Variants in IL2RA observed in about 807,000 individuals in gnomAD.
IL2RA encodes interleukin 2 receptor subunit alpha.
In IL2RA, 24 loss-of-function variants were observed where a neutral mutation model predicts 37.8. That is an observed-to-expected ratio of 0.63 (90% CI 0.46 to 0.89). The LOEUF (loss-of-function observed/expected upper bound fraction) is 0.89, where lower values mean the gene tolerates loss of function less well. Ranked by LOEUF, IL2RA falls within the 40% of genes least tolerant of loss-of-function variation. The pLI, the probability that IL2RA is intolerant of heterozygous loss-of-function variation, is 0.00. For synonymous variants in IL2RA, 125 were observed against 114.6 expected (o/e 1.09, Z -0.58); for missense variants, 319 against 348.6 (o/e 0.92, Z 0.68).
intron 7 of IL2RA, 75 bp downstream of exon 7, chr10:6,017,978 T>G (rs1589291133): frequency 8.7e-7 from 1 of 1,153,326 alleles, no homozygotes; most frequent in Non-Finnish European, 1.3e-6. Flanking sequence ...ATGGAGGGGG[T>G]AGGGGGGAGG....
intron 1 of IL2RA, among the ~76,000 whole-genome samples, chr10:6,061,121 G>C (rs1840115505): frequency 6.6e-6 from 1 of 152,162 alleles, no homozygotes; most frequent in Admixed American, 6.5e-5. Flanking sequence ...AGGCACGGTG[G>C]TTCATGCCTG....
In IL2RA at chr10:6,025,330, G is replaced by A. The variant is rs530191271; in HGVS notation, c.256+504C>T. ...GATTGTACCACCGCACCCCAGCCTGGGCAACAGAGCGAGACTGTCTCAAAA... is the reference window on the plus strand; with the variant it reads ...GATTGTACCACCGCACCCCAGCCTGAGCAACAGAGCGAGACTGTCTCAAAA... On this transcript the variant is annotated intron_variant, in intron 2 of 7. Coordinates refer to ENST00000379959, the MANE Select transcript of IL2RA (RefSeq NM_000417.3). The surrounding 1 kb of genome is among the most constrained non-coding windows in gnomAD (Gnocchi z 4.4). Among the ~76,000 whole-genome samples the A allele has an allele frequency of 1.3e-5, 2 of 152,096 alleles. No individual in the cohort carries two copies. The highest frequency in any genetic ancestry group is 6.6e-5 in the Admixed American group (1 of 15,266).
intron 1 of IL2RA, among the ~76,000 whole-genome samples, chr10:6,042,147 G>GTAAAAAAAAAAAAAAA (rs1564549478): frequency 8.3e-4 from 1 of 1,210 alleles, no homozygotes; most frequent in African/African-American, 2.2e-3. Context: ...AATGTATTAA[G>GTAAAAAAAAAAAAAAA]CAAAAAAAAA....
intron 1 of IL2RA, among the ~76,000 whole-genome samples, chr10:6,027,092 C>T (rs984299597): frequency 6.6e-6 from 1 of 152,106 alleles, no homozygotes; most frequent in South Asian, 2.1e-4. Flanking sequence ...GAGGCCAAGG[C>T]GGGTAGATCA....
At position 6,018,099 on chromosome 10, in the gene IL2RA, G is replaced by T. The variant is rs1459261223; in HGVS notation, c.748C>A (p.Leu250Met). ...QVAVAGCVFL[L>M]ISVLLLSGLT... ...CCACTCAGGAGGAGGACGCTGATCAGCAGGAAAACACAGCCGGCCACTGTC... is the reference window on the plus strand; with the variant it reads ...CCACTCAGGAGGAGGACGCTGATCATCAGGAAAACACAGCCGGCCACTGTC... Residue 250 changes from leucine to methionine, a missense_variant, in exon 7 of 8, where the codon CTG becomes ATG. Coordinates refer to ENST00000379959, the MANE Select transcript of IL2RA (RefSeq NM_000417.3). The surrounding 1 kb of genome is among the most constrained non-coding windows in gnomAD (Gnocchi z 5.1). The T allele has an allele frequency of 1.2e-6, 2 of 1,613,980 alleles. No individual in the cohort carries two copies. Among genetic ancestry groups the T allele is most frequent in the South Asian group, 2.2e-5 (2 of 91,058 alleles).
Position 6,014,727 on chromosome 10 carries a change from C to T in IL2RA, c.795-1831G>A, listed in dbSNP as rs1839248615. Among the ~76,000 whole-genome samples, 1 of 152,312 alleles carries T rather than the reference C, an allele frequency of 6.6e-6. No homozygotes were observed. The highest frequency in any genetic ancestry group is 1.9e-4 in the East Asian group (1 of 5,194). ...AAATGACACCTTAGGAGTCAGCTAA[C>T]CCCTTAGAGAAACTGGTAGACTGCC... is the stretch of plus-strand genomic sequence containing the variant. On this transcript the variant is annotated intron_variant, in intron 7 of 7. Coordinates refer to ENST00000379959, the MANE Select transcript of IL2RA (RefSeq NM_000417.3). The surrounding 1 kb of genome is among the most constrained non-coding windows in gnomAD (Gnocchi z 4.4).
In IL2RA at chr10:6,029,485, T is replaced by A. The variant is rs1839542737; in HGVS notation, c.65-3460A>T. On this transcript the variant is annotated intron_variant, in intron 1 of 7. Coordinates refer to ENST00000379959, the MANE Select transcript of IL2RA (RefSeq NM_000417.3). The surrounding 1 kb of genome is among the most constrained non-coding windows in gnomAD (Gnocchi z 4.6). ...CAGTGGTTTATTTTTATAAATAAAG[T>A]TTTATTGGAAGAAAGACACACCCAT... Among the ~76,000 whole-genome samples, 1 of 151,942 alleles carries A rather than the reference T, an allele frequency of 6.6e-6. No individual in the cohort carries two copies. Among genetic ancestry groups the A allele is most frequent in the African/African-American group, 2.4e-5 (1 of 41,354 alleles).
rs148451781 is a variant in IL2RA, at chr10:6,014,366, A to C, written c.795-1470T>G. The stretch of plus-strand genomic sequence containing the variant: ...AGAGGGCACCATGGGTTGATATCAG[A>C]TTCTAGGAAGGCTTTTGGACAAACT... On this transcript the variant is annotated intron_variant, in intron 7 of 7. Transcript: ENST00000379959. The surrounding 1 kb of genome is among the most constrained non-coding windows in gnomAD (Gnocchi z 4.4). Among the ~76,000 whole-genome samples the C allele has an allele frequency of 1.5e-3, 229 of 152,278 alleles. No individual in the cohort carries two copies. The highest frequency in any genetic ancestry group is 3.8e-3 in the Admixed American group (58 of 15,294).
chr10:6,024,672 ATG>A (rs1353792528), intron 2 of IL2RA, among the ~76,000 whole-genome samples: 10 of 152,114 alleles, frequency 6.6e-5, no homozygotes, highest in African/African-American at 2.2e-4. Context: ...TTATGTGTGC[ATG>A]TGTGTGTCTC....
intron 1 of IL2RA, among the ~76,000 whole-genome samples, chr10:6,042,331 T>C (rs1001805125): frequency 6.6e-6 from 1 of 151,730 alleles, no homozygotes; most frequent in Non-Finnish European, 1.5e-5. Flanking sequence ...TATCCATTAT[T>C]GATTAAAAGA....
intron 7 of IL2RA, among the ~76,000 whole-genome samples, chr10:6,017,536 G>A (rs1839299599): frequency 6.6e-6 from 1 of 151,438 alleles, no homozygotes; most frequent in Non-Finnish European, 1.5e-5. Context: ...CAATGAATGT[G>A]AGGCTCCTTT....
At chr10:6,052,332 C>T (rs1322010725) in intron 1 of IL2RA, among the ~76,000 whole-genome samples, 2 of 152,094 alleles carry the variant, frequency 1.3e-5, no homozygotes, top group Non-Finnish European at 2.9e-5. Flanking sequence ...CCATCGACTC[C>T]TTCTTTAAAC....
rs1377801849 is a variant in IL2RA, at chr10:6,028,057, C to A, written c.65-2032G>T. On this transcript the variant is annotated intron_variant, in intron 1 of 7. Coordinates refer to ENST00000379959, the MANE Select transcript of IL2RA (RefSeq NM_000417.3). This position sits in a 1 kb window ranked among gnomAD's most constrained non-coding sequence, Gnocchi z 4.1. Reference sequence around the variant, plus strand: ...CTTTCAGGTGCTGAACAACAGGCAGCTCAGGGCTACATGATTTTGGAGGAG... The same window carrying A: ...CTTTCAGGTGCTGAACAACAGGCAGATCAGGGCTACATGATTTTGGAGGAG... 1.3e-5 allele frequency among the ~76,000 whole-genome samples: 2 copies of A among 152,178 alleles called. No homozygotes were observed. Among genetic ancestry groups the A allele is most frequent in the Non-Finnish European group, 2.9e-5 (2 of 68,034 alleles).
In IL2RA at chr10:6,021,419, C is replaced by A. The variant is rs1839384873; in HGVS notation, c.583+59G>T. Reference sequence around the variant, plus strand: ...CCAGCAGGAGTGGTCAGGGATTCCACTCTGGTCAGCCTGATGGAGCAAAGC... The same window carrying A: ...CCAGCAGGAGTGGTCAGGGATTCCAATCTGGTCAGCCTGATGGAGCAAAGC... On this transcript the variant is annotated intron_variant, in intron 4 of 7. Coordinates refer to ENST00000379959, the MANE Select transcript of IL2RA (RefSeq NM_000417.3). This position sits in a 1 kb window ranked among gnomAD's most constrained non-coding sequence, Gnocchi z 4.9. 7.1e-7 allele frequency: 1 copy of A among 1,412,772 alleles called. No individual in the cohort carries two copies. The allele number at this position is 1,412,772 out of a possible 1,614,324, so 87.5% of individuals were successfully genotyped here. A position where few individuals can be genotyped will look rare whatever the true frequency, so the allele number is the denominator to read the frequency against.
At chr10:6,039,503 T>G (rs2132878838) in intron 1 of IL2RA, 1 of 152,270 alleles carries the variant, frequency 6.6e-6, no homozygotes, top group South Asian at 2.1e-4. Context: ...ATTAACAAAT[T>G]TGATTCCAAC....
At chr10:6,053,092 C>G (rs1357355899) in intron 1 of IL2RA, among the ~76,000 whole-genome samples, 1 of 152,172 alleles carries the variant, frequency 6.6e-6, no homozygotes, top group Admixed American at 6.5e-5. Context: ...TTACTCACAG[C>G]CTATTACTTC....
At chr10:6,061,354 C>G (rs1438388286) in intron 1 of IL2RA, among the ~76,000 whole-genome samples, 5 of 152,076 alleles carry the variant, frequency 3.3e-5, no homozygotes, top group Middle Eastern at 3.4e-3. Flanking sequence ...CCACTGCACT[C>G]CAGTCTGGCT....
At chr10:6,019,202 A>G (rs1318743440) in intron 6 of IL2RA, among the ~76,000 whole-genome samples, 1 of 152,166 alleles carries the variant, frequency 6.6e-6, no homozygotes, top group Non-Finnish European at 1.5e-5. Context: ...CAACTAACCT[A>G]CCAACATACA....
chr10:6,041,351 G>A (rs1839769212), intron 1 of IL2RA, among the ~76,000 whole-genome samples: 1 of 151,924 alleles, frequency 6.6e-6, no homozygotes, highest in African/African-American at 2.4e-5. Context: ...TCCTGACCTC[G>A]TGATCCACCC....
Sources: gnomAD v4.1 joint callset for allele counts (sites outside exome capture counted in the v4.1 genomes callset) on GRCh38, gnomAD v4.1.1 for gene constraint, Gnocchi (gnomAD v3.1) non-coding constraint, MANE v1.5 for transcripts, NCBI Gene and HGNC (gene_info 2026-07-23, HGNC 2026-07-21) for gene names.